TTF2: variants seen among roughly 807,000 people sequenced by gnomAD.
TTF2 encodes transcription termination factor 2.
Under a neutral mutation model 142.4 loss-of-function variants are expected in TTF2, and 108 were observed. The ratio of observed to expected loss-of-function variants is 0.76; its 90% confidence interval spans 0.65 to 0.89. The LOEUF is 0.89. Ranked by LOEUF, TTF2 falls within the 40% of genes least tolerant of loss-of-function variation. The pLI is 0.00. For missense variants in TTF2, 1,327 were observed against 1,379.8 expected, an observed-to-expected ratio of 0.96 and a Z score of 0.61; for synonymous variants, 483 against 506.2, an observed-to-expected ratio of 0.95 and a Z score of 0.61.
intron 3 of TTF2, among the ~76,000 whole-genome samples, chr1:117,064,353 AGCTGGGCCT>A: frequency 6.8e-6 from 1 of 147,544 alleles, no homozygotes; most frequent in East Asian, 2.0e-4. Flanking sequence ...AAAAAAAATT[AGCTGGGCCT>A]GGTGGCACAC....
In TTF2 at chr1:117,095,366, A is replaced by C; in HGVS notation, c.3034A>C (p.Ser1012Arg). 6.2e-7 allele frequency: 1 copy of C among 1,614,092 alleles called. No homozygotes were observed. The highest frequency in any genetic ancestry group is 1.1e-5 in the South Asian group (1 of 91,084). The stretch of plus-strand genomic sequence containing the variant: ...TCAAAGAAATTCAGCATCCCAAAAG[A>C]GGTAACTGCGTTTTCTCATTATCCA... ...AIQRNSASQK[S>R]VIVSQWTNML... The change falls in exon 19 of 23, where the codon AGT (serine) becomes CGT (arginine). Residue 1012 changes from serine to arginine, a missense_variant and splice_region_variant. Ser to Arg is a moderately radical substitution (Grantham distance 110). Transcript: ENST00000369466.
chr1:117,091,301 A>G, intron 15 of TTF2, 27 bp from the exon 16 acceptor site: 1 of 1,593,336 alleles, frequency 6.3e-7, no homozygotes, highest in Non-Finnish European at 8.5e-7. Flanking sequence ...TTATACATGC[A>G]TTTTTTTTCT....
rs753615834 is a variant in TTF2, at chr1:117,101,464, G to A, written c.3429G>A (p.Gly1143=). 2 of 1,610,368 alleles carry A rather than the reference G, an allele frequency of 1.2e-6. No homozygotes were observed. ...KKDLAKQVLS[G]SGESVTKLTL... ...ATTTGGCCAAACAAGTTCTATCAGGGTCTGGAGAATCTGTCACCAAGCTCA... is the reference window on the plus strand; with the variant it reads ...ATTTGGCCAAACAAGTTCTATCAGGATCTGGAGAATCTGTCACCAAGCTCA... Residue 1143 remains glycine (G), a synonymous_variant, in exon 23 of 23, where the codon GGG becomes GGA. Coordinates refer to ENST00000369466, the MANE Select transcript of TTF2 (RefSeq NM_003594.4). The surrounding 1 kb of genome is among the most constrained non-coding windows in gnomAD (Gnocchi z 5.9).
rs375021751 is a variant in TTF2, at chr1:117,062,345, T to C, written c.132-42T>C. On this transcript the variant is annotated intron_variant, in intron 2 of 22. Transcript: ENST00000369466. ...TTTGACTTTAGGATATTGATCTCTGTTCCTGACCTAAAAATGTTTTCAACT... is the reference window on the plus strand; with the variant it reads ...TTTGACTTTAGGATATTGATCTCTGCTCCTGACCTAAAAATGTTTTCAACT... 19 of 1,585,726 alleles carry C rather than the reference T, an allele frequency of 1.2e-5. No individual in the cohort carries two copies. The African/African-American group carries it at 2.6e-4, about 21-fold the overall frequency.
intron 3 of TTF2, among the ~76,000 whole-genome samples, chr1:117,065,988 CTTTTTTTT>C (rs544726052): frequency 1.0e-5 from 1 of 97,950 alleles, no homozygotes; most frequent in African/African-American, 4.8e-5. Flanking sequence ...CACTATATAC[CTTTTTTTT>C]TTTTTTTTTT....
rs577055641 is a variant in TTF2, at chr1:117,083,291, A to G, written c.1904-727A>G. Among the ~76,000 whole-genome samples, 7 of 152,118 alleles carry G rather than the reference A, an allele frequency of 4.6e-5. No homozygotes were observed. In the East Asian group the frequency reaches 1.4e-3, roughly 29 times the overall value. Reference sequence around the variant, plus strand: ...TGTGGCATCTGCTCTCAGGGCCTCTAATGAGCACTGTTGCAGCTGGGTCCT... The same window carrying G: ...TGTGGCATCTGCTCTCAGGGCCTCTGATGAGCACTGTTGCAGCTGGGTCCT... On this transcript the variant is annotated intron_variant, in intron 10 of 22. Coordinates refer to ENST00000369466, the MANE Select transcript of TTF2 (RefSeq NM_003594.4).
chr1:117,104,538 G>C lies in TTF2; in HGVS notation c.*3014G>C, dbSNP rs928891465. The stretch of plus-strand genomic sequence containing the variant: ...ATCTACTGTAAGGTAGATGCCTCCT[G>C]GTATTTTAAAACAGCTTTTCTAATT... On this transcript the variant is annotated 3_prime_UTR_variant, in exon 23 of 23. Coordinates refer to ENST00000369466, the MANE Select transcript of TTF2 (RefSeq NM_003594.4). The C allele has an allele frequency of 6.6e-6, 1 of 152,104 alleles. No homozygotes were observed. Among genetic ancestry groups the C allele is most frequent in the Admixed American group, 6.5e-5 (1 of 15,268 alleles). 9.4% of individuals were successfully genotyped at this position (152,104 alleles called of 1,614,324 possible).
In TTF2 at chr1:117,073,656, A is replaced by T; in HGVS notation, c.219-5A>T. The T allele has an allele frequency of 6.2e-7, 1 of 1,607,898 alleles. No individual in the cohort carries two copies. Among genetic ancestry groups the T allele is most frequent in the Admixed American group, 1.7e-5 (1 of 59,876 alleles). On this transcript the variant is annotated splice_region_variant and splice_polypyrimidine_tract_variant and intron_variant, in intron 3 of 22. Coordinates refer to ENST00000369466, the MANE Select transcript of TTF2 (RefSeq NM_003594.4). This position sits in a 1 kb window ranked among gnomAD's most constrained non-coding sequence, Gnocchi z 4.4. ...CTTGATTATTTGTGTTTTATACTTC[A>T]TTAGATTGTTCTTCCGATGCATTAG... is the stretch of plus-strand genomic sequence containing the variant.
chr1:117,083,469 T>C (rs1647716361), intron 10 of TTF2, among the ~76,000 whole-genome samples: 1 of 151,756 alleles, frequency 6.6e-6, no homozygotes, highest in South Asian at 2.1e-4. Context: ...AATTTTAAGG[T>C]AGAAGTACAT....
chr1:117,066,546 T>G (rs1242518766), intron 3 of TTF2, among the ~76,000 whole-genome samples: 3 of 152,136 alleles, frequency 2.0e-5, no homozygotes, highest in Admixed American at 2.0e-4. Flanking sequence ...GTCTGGTGTT[T>G]GGCACATTGT....
In TTF2 at chr1:117,075,864, C is replaced by G. The variant is rs1403676075; in HGVS notation, c.1275+5C>G. On this transcript the variant is annotated splice_donor_5th_base_variant and intron_variant, in intron 5 of 22. Coordinates refer to ENST00000369466, the MANE Select transcript of TTF2 (RefSeq NM_003594.4). The surrounding 1 kb of genome is among the most constrained non-coding windows in gnomAD (Gnocchi z 4.5). The stretch of plus-strand genomic sequence containing the variant: ...ACACAACTGAAACAAAAGAAGGTAA[C>G]TATTGACTCGTGTTTTGTTTCTGAG... The G allele has an allele frequency of 6.3e-7, 1 of 1,595,116 alleles. No individual in the cohort carries two copies. The highest frequency in any genetic ancestry group is 1.8e-5 in the Admixed American group (1 of 56,576).
intron 3 of TTF2, among the ~76,000 whole-genome samples, chr1:117,064,820 G>GTT (rs757750932): frequency 0.015 from 2,210 of 142,990 alleles, 63 homozygotes; most frequent in African/African-American, 0.052. Flanking sequence ...CACCTGGCCT[G>GTT]TTTTTTTTTT....
intron 15 of TTF2, 113 bp from the exon 16 acceptor site, chr1:117,091,215 T>C: frequency 1.3e-6 from 1 of 791,656 alleles, no homozygotes. Flanking sequence ...TCTTATGAGC[T>C]TGGCATCATT....
In TTF2 at chr1:117,086,491, C is replaced by T; in HGVS notation, c.2129C>T (p.Ala710Val). The T allele has an allele frequency of 6.2e-7, 1 of 1,613,992 alleles. No individual in the cohort carries two copies. The highest frequency in any genetic ancestry group is 1.1e-5 in the South Asian group (1 of 91,062). The stretch of plus-strand genomic sequence containing the variant: ...GAGATTCCCACAAACAAGCAAGAGG[C>T]AGAGATCCCAGGTGCAAACCTCAAT... ...AKEIPTNKQE[A>V]EIPGANLNVE... Residue 710 changes from alanine (A) to valine (V), a missense_variant, in exon 12 of 23, where the codon GCA becomes GTA. Coordinates refer to ENST00000369466, the MANE Select transcript of TTF2 (RefSeq NM_003594.4). This position sits in a 1 kb window ranked among gnomAD's most constrained non-coding sequence, Gnocchi z 4.2.
At chr1:117,091,253 T>G in intron 15 of TTF2, 75 bp from the exon 16 acceptor site, 1 of 1,248,032 alleles carries the variant, frequency 8.0e-7, no homozygotes, top group Non-Finnish European at 1.1e-6. Flanking sequence ...TTTGTCAAGA[T>G]CCCACTGCAG....
Position 117,085,062 on chromosome 1 carries a change from G to T in TTF2, c.2054+894G>T, listed in dbSNP as rs1027735692. ...AGATTACTGTGAGTTGTCTGCCTTT[G>T]TGCTAAATTTTTATTTAGAAATAAA... On this transcript the variant is annotated intron_variant, in intron 11 of 22. Transcript: ENST00000369466. The surrounding 1 kb of genome is among the most constrained non-coding windows in gnomAD (Gnocchi z 4.7). Among the ~76,000 whole-genome samples, 1 of 152,124 alleles carries T rather than the reference G, an allele frequency of 6.6e-6. No individual in the cohort carries two copies. The highest frequency in any genetic ancestry group is 1.5e-5 in the Non-Finnish European group (1 of 68,018).
chr1:117,104,248 A>G lies in TTF2; in HGVS notation c.*2724A>G, dbSNP rs1056194847. The G allele has an allele frequency of 6.6e-6, 1 of 152,210 alleles. No individual in the cohort carries two copies. Among genetic ancestry groups the G allele is most frequent in the African/African-American group, 2.4e-5 (1 of 41,450 alleles). The allele number at this position is 152,210 out of a possible 1,614,324, so 9.4% of individuals were successfully genotyped here. On this transcript the variant is annotated 3_prime_UTR_variant, in exon 23 of 23. Transcript: ENST00000369466. Reference sequence around the variant, plus strand: ...AGTTGCAGATTCCTTGGACATCTCAATCCTTTCATCTGTAAAATGTGTGGA... The same window carrying G: ...AGTTGCAGATTCCTTGGACATCTCAGTCCTTTCATCTGTAAAATGTGTGGA...
Position 117,087,374 on chromosome 1 carries a change from C to T in TTF2, c.2160+852C>T, listed in dbSNP as rs1648110025. ...TGGTGCGATCTTGGCTCACTGCAAC[C>T]TCTGCATCCCGGGTTCAAGCGATTC... On this transcript the variant is annotated intron_variant, in intron 12 of 22. Transcript: ENST00000369466. The surrounding 1 kb of genome is among the most constrained non-coding windows in gnomAD (Gnocchi z 4.8). Among the ~76,000 whole-genome samples, 2 of 152,168 alleles carry T rather than the reference C, an allele frequency of 1.3e-5. No homozygotes were observed. Among genetic ancestry groups the T allele is most frequent in the Non-Finnish European group, 2.9e-5 (2 of 68,030 alleles).
Position 117,096,430 on chromosome 1 carries a change from T to C in TTF2, c.3186+131T>C, listed in dbSNP as rs190735089. On this transcript the variant is annotated intron_variant, in intron 20 of 22. Coordinates refer to ENST00000369466, the MANE Select transcript of TTF2 (RefSeq NM_003594.4). ...TTTGCTCTTGTTGCCCAGGCTGGACTGCAATAGTGCTATCTTGGCTCACCG... is the reference window on the plus strand; with the variant it reads ...TTTGCTCTTGTTGCCCAGGCTGGACCGCAATAGTGCTATCTTGGCTCACCG... 6.6e-5 allele frequency: 77 copies of C among 1,160,406 alleles called. No individual in the cohort carries two copies. The East Asian group carries it at 1.9e-3, about 28-fold the overall frequency. 71.9% of individuals were successfully genotyped at this position (1,160,406 alleles called of 1,614,324 possible). A position where few individuals can be genotyped will look rare whatever the true frequency, so the allele number is the denominator to read the frequency against.
Sources: gnomAD v4.1 joint callset for allele counts (sites outside exome capture counted in the v4.1 genomes callset) on GRCh38, gnomAD v4.1.1 for gene constraint, Gnocchi (gnomAD v3.1) non-coding constraint, MANE v1.5 for transcripts, NCBI Gene and HGNC (gene_info 2026-07-23, HGNC 2026-07-21) for gene names.